ITM2A: variants seen among roughly 807,000 people sequenced by gnomAD.
ITM2A encodes the protein integral membrane protein 2A, also known as BRICHOS domain containing 2A.
ITM2A carries 11 observed loss-of-function variants against 16.6 expected under a neutral mutation model. That is an observed-to-expected ratio of 0.66 (90% CI 0.42 to 1.10). ITM2A has a LOEUF of 1.10. Ranked by LOEUF, ITM2A falls within the 50% of genes least tolerant of loss-of-function variation. The probability of loss-of-function intolerance (pLI) is 0.00; values close to 1 mark genes in which losing one functional copy is unlikely to be tolerated. For synonymous variants in ITM2A, 102 were observed against 71.2 expected (o/e 1.43, Z -2.18); for missense variants, 243 against 206.8 (o/e 1.17, Z -1.07).
At chrX:79,361,617 G>T (rs1925421425) in intron 4 of ITM2A, 138 bp from the exon 5 acceptor site, 1 of 520,105 alleles carries the variant, frequency 1.9e-6, no homozygotes, top group Admixed American at 3.8e-5. Flanking sequence ...TAATCACCCA[G>T]GTATTAAGCC....
chrX:79,362,516 A>T, intron 4 of ITM2A, 65 bp downstream of exon 4: 3 of 569,736 alleles, frequency 5.3e-6, no homozygotes, highest in Non-Finnish European at 8.4e-6. Context: ...TTATTTTTTT[A>T]AAAAACAAGG....
chrX:79,366,313 C>T lies in ITM2A; in HGVS notation c.111+792G>A, dbSNP rs142264617. ...ATAGAGGGAAGGGGATGTTGTTCAA[C>T]AAGAAAAAAATTTAAAAATAATTGA... On this transcript the variant is annotated intron_variant, in intron 1 of 5. Transcript: ENST00000373298. 9.9e-5 allele frequency among the ~76,000 whole-genome samples: 11 copies of T among 111,183 alleles called. 1 individual carries two copies. In the East Asian group the frequency reaches 3.1e-3, roughly 31 times the overall value.
At chrX:79,366,159 A>G (rs1011130743) in intron 1 of ITM2A, among the ~76,000 whole-genome samples, 1 of 111,335 alleles carries the variant, frequency 9.0e-6, no homozygotes, top group Non-Finnish European at 1.9e-5. Flanking sequence ...CTGAAAACAT[A>G]GTAGGTGTTT....
chrX:79,366,932 G>C, intron 1 of ITM2A, 173 bp downstream of exon 1: 2 of 424,337 alleles, frequency 4.7e-6, no homozygotes, highest in Non-Finnish European at 8.2e-6. Flanking sequence ...AGTGACAGAG[G>C]GTGCGGTAAG....
At chrX:79,362,812 C>G (rs781365939) in intron 3 of ITM2A, 121 bp from the exon 4 acceptor site, 93 of 680,173 alleles carry the variant, frequency 1.4e-4, no homozygotes, top group Non-Finnish European at 2.0e-4. Context: ...TATTCAACAA[C>G]AAAAGAATGA....
chrX:79,363,973 C>T (rs923548359), intron 1 of ITM2A, among the ~76,000 whole-genome samples: 2 of 111,857 alleles, frequency 1.8e-5, no homozygotes, highest in South Asian at 3.7e-4. Flanking sequence ...AGAAATTATA[C>T]TCAGTAAACA....
chrX:79,363,029 A>C lies in ITM2A; in HGVS notation c.354T>G (p.Arg118=), dbSNP rs1925480198. ...FLPVTEEADI[R]EDDNIAIIDV... is the part of the protein sequence containing the mutation. ...CAATGATTGCAATGTTGTCATCCTC[A>C]CGAATGTCAGCCTCCTCAGTCACAG... Residue 118 remains arginine (R), a synonymous_variant, in exon 3 of 6, where the codon CGT becomes CGG. Transcript: ENST00000373298. The C allele has an allele frequency of 8.3e-7, 1 of 1,206,595 alleles. No individual in the cohort carries two copies. The highest frequency in any genetic ancestry group is 1.8e-5 in the South Asian group (1 of 56,843).
chrX:79,363,203 T>C, intron 2 of ITM2A, 64 bp from the exon 3 acceptor site: 1 of 930,060 alleles, frequency 1.1e-6, no homozygotes, highest in Middle Eastern at 3.0e-4. Context: ...TTGAATGGCT[T>C]TTCACACTCA....
rs11423549 is a variant in ITM2A, at chrX:79,365,665, G to GAAA, written c.111+1437_111+1439dup. Among the ~76,000 whole-genome samples, 33 of 98,424 alleles carry GAAA rather than the reference G, an allele frequency of 3.4e-4. No homozygotes were observed. In the South Asian group the frequency reaches 7.5e-3, roughly 22 times the overall value. 85.5% of individuals were successfully genotyped at this position (98,424 alleles called of 115,157 possible). A position where few individuals can be genotyped will look rare whatever the true frequency, so the allele number is the denominator to read the frequency against. ...AAGTCATGAAATGCTTGGCGGTGAA[G>GAAA]AAAAAAAAAAAAAGGATTACTGTGT... On this transcript the variant is annotated intron_variant, in intron 1 of 5. Coordinates refer to ENST00000373298, the MANE Select transcript of ITM2A (RefSeq NM_004867.5).
At chrX:79,361,545 G>A in intron 4 of ITM2A, 66 bp from the exon 5 acceptor site, 3 of 974,345 alleles carry the variant, frequency 3.1e-6, no homozygotes, top group Non-Finnish European at 4.3e-6. Context: ...AAGTTCAGGA[G>A]TAAAAGTGCA....
intron 1 of ITM2A, among the ~76,000 whole-genome samples, chrX:79,364,694 A>G (rs1452152564): frequency 3.6e-5 from 4 of 112,246 alleles, no homozygotes; most frequent in Non-Finnish European, 7.5e-5. Flanking sequence ...AACTACTGCA[A>G]TGTTTATCAG....
At chrX:79,366,704 C>T (rs1029712027) in intron 1 of ITM2A, among the ~76,000 whole-genome samples, 4 of 111,793 alleles carry the variant, frequency 3.6e-5, no homozygotes, top group African/African-American at 1.3e-4. Flanking sequence ...GTCTTGCTCA[C>T]CCCCCTGTGT....
chrX:79,363,421 A>T lies in ITM2A; in HGVS notation c.243+2T>A. 9.1e-7 allele frequency: 1 copy of T among 1,100,485 alleles called. No individual in the cohort carries two copies. Among genetic ancestry groups the T allele is most frequent in the East Asian group, 3.2e-5 (1 of 30,819 alleles). 90.7% of individuals were successfully genotyped at this position (1,100,485 alleles called of 1,213,427 possible). On this transcript the variant is annotated splice_donor_variant, in intron 2 of 5. Transcript: ENST00000373298. LOFTEE classifies it high-confidence loss of function. ...TATAATAATTATAATTATTATTATT[A>T]CCTTGGGCATGAAGTACTTGTAAAT...
chrX:79,362,957 A>G lies in ITM2A; in HGVS notation c.426T>C (p.Ile142=). Residue 142 remains isoleucine, a synonymous_variant, in exon 3 of 6, where the codon ATT becomes ATC. Transcript: ENST00000373298. ...SFSDSDPAAI[I]HDFEKGMTAY... ...AGAAGCCCACCTTTTCAAAGTCATGAATAATTGCTGCAGGGTCACTATCAG... is the reference window on the plus strand; with the variant it reads ...AGAAGCCCACCTTTTCAAAGTCATGGATAATTGCTGCAGGGTCACTATCAG... 1 of 1,202,444 alleles carries G rather than the reference A, an allele frequency of 8.3e-7. No individual in the cohort carries two copies. The highest frequency in any genetic ancestry group is 1.1e-6 in the Non-Finnish European group (1 of 887,159).
At position 79,363,157 on chromosome X, in the gene ITM2A, A is replaced by G. The variant is rs746822137; in HGVS notation, c.244-18T>C. 4.4e-6 allele frequency: 5 copies of G among 1,139,803 alleles called. No individual in the cohort carries two copies. The highest frequency in any genetic ancestry group is 1.8e-5 in the African/African-American group (1 of 56,423). 93.9% of individuals were successfully genotyped at this position (1,139,803 alleles called of 1,213,427 possible). On this transcript the variant is annotated intron_variant, in intron 2 of 5. Coordinates refer to ENST00000373298, the MANE Select transcript of ITM2A (RefSeq NM_004867.5). ...ATGGTGCTCTAAAAGACAAAAAGGG[A>G]AAATTACAACCTTCTAATAATCACT...
At chrX:79,366,993 G>T in intron 1 of ITM2A, 112 bp downstream of exon 1, 1 of 516,198 alleles carries the variant, frequency 1.9e-6, no homozygotes, top group Non-Finnish European at 3.1e-6. Context: ...AAACCCCAGA[G>T]ACAGCGTAAG....
At chrX:79,361,579 T>C (rs771146964) in intron 4 of ITM2A, 100 bp from the exon 5 acceptor site, 55 of 678,411 alleles carry the variant, frequency 8.1e-5, no homozygotes, top group Non-Finnish European at 1.2e-4. Flanking sequence ...AGTAAAGTTG[T>C]GTCATGGGGT....
chrX:79,365,270 A>T (rs1406271063), intron 1 of ITM2A, among the ~76,000 whole-genome samples: 1 of 112,020 alleles, frequency 8.9e-6, no homozygotes, highest in African/African-American at 3.2e-5. Flanking sequence ...TTTCAATTTC[A>T]TAAGATGTTA....
At chrX:79,363,259 A>C in intron 2 of ITM2A, 120 bp from the exon 3 acceptor site, 1 of 739,882 alleles carries the variant, frequency 1.4e-6, no homozygotes, top group Non-Finnish European at 2.0e-6. Context: ...TGTTGACTAC[A>C]GTTATCACAA....
Sources: allele counts gnomAD v4.1 joint callset (sites outside exome capture counted in the v4.1 genomes callset), GRCh38; gene constraint gnomAD v4.1.1; transcripts MANE v1.5; gene names NCBI Gene and HGNC (gene_info 2026-07-23, HGNC 2026-07-21).